The following CDH20 variants were observed in gnomAD, a reference collection of about 807,000 sequenced individuals.
The protein encoded by CDH20 is cadherin 20.
Under a neutral mutation model 74.2 loss-of-function variants are expected in CDH20, and 29 were observed. That is an observed-to-expected ratio of 0.39 (90% CI 0.29 to 0.53). CDH20 has a LOEUF of 0.53. Ranked by LOEUF, CDH20 falls within the 20% of genes least tolerant of loss-of-function variation. CDH20 has a pLI of 0.69. For missense variants in CDH20, 988 were observed against 1,048.3 expected (o/e 0.94, Z 0.79); for synonymous variants, 469 against 405.4 (o/e 1.16, Z -1.88).
At chr18:61,413,425 G>A (rs886109444) in intron 1 of CDH20, among the ~76,000 whole-genome samples, 6 of 152,140 alleles carry the variant, frequency 3.9e-5, no homozygotes, top group African/African-American at 1.4e-4. Context: ...CTTTCAATAT[G>A]AAAGCTCAGC....
intron 1 of CDH20, among the ~76,000 whole-genome samples, chr18:61,476,238 A>G (rs1351099155): frequency 6.6e-6 from 1 of 152,150 alleles, no homozygotes; most frequent in Non-Finnish European, 1.5e-5. Flanking sequence ...TGCAACTGCC[A>G]TCCCCAAAGT....
intron 6 of CDH20, among the ~76,000 whole-genome samples, chr18:61,511,739 T>A (rs1911790918): frequency 6.6e-6 from 1 of 152,202 alleles, no homozygotes; most frequent in African/African-American, 2.4e-5. Context: ...TTTCTTCAGC[T>A]CCCTTACCTG....
intron 1 of CDH20, among the ~76,000 whole-genome samples, chr18:61,471,073 G>C (rs995652390): frequency 6.6e-6 from 1 of 152,088 alleles, no homozygotes; most frequent in East Asian, 1.9e-4. Context: ...ATGAAAAAGA[G>C]GTCATTTAAG....
chr18:61,418,337 A>G (rs1912760681), intron 1 of CDH20, among the ~76,000 whole-genome samples: 1 of 151,948 alleles, frequency 6.6e-6, no homozygotes, highest in Non-Finnish European at 1.5e-5. Flanking sequence ...GGTGGATCAC[A>G]AGGTCAGGAG....
intron 1 of CDH20, among the ~76,000 whole-genome samples, chr18:61,462,583 A>G (rs1416504591): frequency 6.6e-6 from 1 of 152,180 alleles, no homozygotes; most frequent in Non-Finnish European, 1.5e-5. Context: ...TAACTTTACC[A>G]AAATGACATA....
intron 1 of CDH20, among the ~76,000 whole-genome samples, chr18:61,387,917 T>C (rs895844706): frequency 3.4e-4 from 52 of 152,276 alleles, no homozygotes; most frequent in Admixed American, 3.3e-3. Context: ...TTCTGTTGCA[T>C]TTTCCCAAAT....
rs115306267 is a variant in CDH20, at chr18:61,467,855, G to A, written c.-152-22547G>A. ...GATTCTGCCTGACCCCAAGGCTTACGTTCGCTTACTAGTACTAATAACTAG... is the reference window on the plus strand; with the variant it reads ...GATTCTGCCTGACCCCAAGGCTTACATTCGCTTACTAGTACTAATAACTAG... On this transcript the variant is annotated intron_variant, in intron 1 of 11. Coordinates refer to ENST00000262717, the MANE Select transcript of CDH20 (RefSeq NM_031891.4). Among the ~76,000 whole-genome samples, 833 of 152,278 alleles carry A rather than the reference G, an allele frequency of 5.5e-3. 5 individuals carry two copies. The highest frequency in any genetic ancestry group is 0.018 in the African/African-American group (739 of 41,558).
intron 5 of CDH20, among the ~76,000 whole-genome samples, chr18:61,505,715 C>G (rs1185806295): frequency 6.6e-5 from 10 of 152,172 alleles, no homozygotes; most frequent in East Asian, 1.9e-4. Context: ...AATGGAGACT[C>G]CAGGATAGAG....
chr18:61,531,363 G>GCAT (rs1365704432), intron 7 of CDH20, among the ~76,000 whole-genome samples: 2 of 152,296 alleles, frequency 1.3e-5, no homozygotes, highest in African/African-American at 2.4e-5. Flanking sequence ...TCTCCCCTTG[G>GCAT]CATCATGCCT....
At chr18:61,447,954 C>T (rs1488119447) in intron 1 of CDH20, among the ~76,000 whole-genome samples, 1 of 152,198 alleles carries the variant, frequency 6.6e-6, no homozygotes, top group African/African-American at 2.4e-5. Flanking sequence ...TCTCAGCAGT[C>T]CTCTGGTACT....
chr18:61,474,483 C>T (rs745319053), intron 1 of CDH20, among the ~76,000 whole-genome samples: 21 of 152,134 alleles, frequency 1.4e-4, no homozygotes, highest in Admixed American at 2.6e-4. Flanking sequence ...AACCTCTTTT[C>T]GTTGTGTAGC....
chr18:61,496,647 C>T (rs540315325), intron 2 of CDH20, among the ~76,000 whole-genome samples: 77 of 152,274 alleles, frequency 5.1e-4, no homozygotes, highest in African/African-American at 1.8e-3. Flanking sequence ...CGCTCACCTG[C>T]GGCCTGCCGG....
At chr18:61,364,150 G>A (rs557451278) in intron 1 of CDH20, among the ~76,000 whole-genome samples, 1 of 152,196 alleles carries the variant, frequency 6.6e-6, no homozygotes, top group Admixed American at 6.5e-5. Context: ...ATGAAGCTAT[G>A]GTGCTATAGT....
Position 61,497,523 on chromosome 18 carries a change from C to G in CDH20, c.247-1663C>G, listed in dbSNP as rs1298326395. Among the ~76,000 whole-genome samples the G allele has an allele frequency of 2.6e-5, 4 of 152,286 alleles. No homozygotes were observed. In the East Asian group the frequency reaches 7.7e-4, roughly 29 times the overall value. On this transcript the variant is annotated intron_variant, in intron 2 of 11. Transcript: ENST00000262717. ...CAGGTTGTTTTTGCCTCTCTGCCAC[C>G]CTCCTGGAGGTCTGTAGGGAGTAGA...
intron 1 of CDH20, among the ~76,000 whole-genome samples, chr18:61,401,808 T>C (rs1912164315): frequency 6.6e-6 from 1 of 152,232 alleles, no homozygotes; most frequent in African/African-American, 2.4e-5. Context: ...AAAAAGATTA[T>C]GAAGGAGATA....
intron 6 of CDH20, among the ~76,000 whole-genome samples, chr18:61,517,546 C>A (rs570701218): frequency 6.6e-5 from 10 of 152,304 alleles, no homozygotes; most frequent in African/African-American, 2.4e-4. Context: ...AGGAACAGTG[C>A]ATTCTGGCCC....
intron 1 of CDH20, among the ~76,000 whole-genome samples, chr18:61,381,477 G>C (rs1319024059): frequency 6.6e-6 from 1 of 152,118 alleles, no homozygotes; most frequent in Non-Finnish European, 1.5e-5. Flanking sequence ...CGACCTCAGG[G>C]TTATCTTGCT....
intron 1 of CDH20, among the ~76,000 whole-genome samples, chr18:61,394,007 G>T (rs1911879639): frequency 6.6e-6 from 1 of 152,076 alleles, no homozygotes; most frequent in Admixed American, 6.6e-5. Context: ...GTAATAATCT[G>T]ATGGCGTCTC....
chr18:61,347,583 AAC>A, intron 1 of CDH20, among the ~76,000 whole-genome samples: 1 of 151,618 alleles, frequency 6.6e-6, no homozygotes, highest in African/African-American at 2.4e-5. Context: ...AAAACACAAA[AAC>A]ACATGCTTTG....
Sources: gnomAD v4.1 joint callset for allele counts (sites outside exome capture counted in the v4.1 genomes callset) on GRCh38, gnomAD v4.1.1 for gene constraint, MANE v1.5 for transcripts, NCBI Gene and HGNC (gene_info 2026-07-23, HGNC 2026-07-21) for gene names.